Variants in RLBP1 observed in about 807,000 individuals in gnomAD.
RLBP1 encodes retinaldehyde-binding protein 1.
RLBP1 carries 26 observed loss-of-function variants against 36.2 expected under a neutral mutation model. That is an observed-to-expected ratio of 0.72 (90% CI 0.53 to 1.00). The LOEUF (loss-of-function observed/expected upper bound fraction) is 1.00, where lower values mean the gene tolerates loss of function less well. Ranked by LOEUF, RLBP1 falls within the 50% of genes least tolerant of loss-of-function variation. RLBP1 has a pLI of 0.00. For missense variants in RLBP1, 410 were observed against 402.4 expected (o/e 1.02, Z -0.16); for synonymous variants, 155 against 156.2 (o/e 0.99, Z 0.06).
rs1337271715 is a variant in RLBP1, at chr15:89,211,751, T to G, written c.676A>C (p.Met226Leu). 1 of 1,613,938 alleles carries G rather than the reference T, an allele frequency of 6.2e-7. No individual in the cohort carries two copies. Among genetic ancestry groups the G allele is most frequent in the South Asian group, 1.1e-5 (1 of 91,064 alleles). The change falls in exon 7 of 9, where the codon ATG becomes CTG. Residue 226 changes from methionine (M) to leucine (L), a missense_variant. Met to Leu is a conservative substitution (Grantham distance 15, BLOSUM62 2). Coordinates refer to ENST00000268125, the MANE Select transcript of RLBP1 (RefSeq NM_000326.5). This position sits in a 1 kb window ranked among gnomAD's most constrained non-coding sequence, Gnocchi z 5.8. ...RTSDLRKMVD[M>L]LQDSFPARFK... ...AGAACTCTAAGCCTCACCTGGAGCA[T>G]GTCCACCATCTTCCTGAGATCTGAA... is the stretch of plus-strand genomic sequence containing the variant.
At chr15:89,215,279 C>G (rs757061165) in intron 5 of RLBP1, 41 bp from the exon 6 acceptor site, 2 of 1,598,836 alleles carry the variant, frequency 1.3e-6, no homozygotes, top group Non-Finnish European at 1.7e-6. Context: ...AGGGAGCCAT[C>G]CCATCCCTAC....
intron 1 of RLBP1, among the ~76,000 whole-genome samples, chr15:89,221,158 C>T (rs1318322461): frequency 6.6e-6 from 1 of 152,072 alleles, no homozygotes; most frequent in African/African-American, 2.4e-5. Context: ...CAGGTGCCCA[C>T]CAGCACGCCT....
Position 89,215,147 on chromosome 15 carries a change from A to C in RLBP1, c.438T>G (p.Gly146=), listed in dbSNP as rs1596183196. 1.2e-6 allele frequency: 2 copies of C among 1,614,226 alleles called. No homozygotes were observed. The highest frequency in any genetic ancestry group is 1.7e-6 in the Non-Finnish European group (2 of 1,180,036). The change falls in exon 6 of 9, where the codon GGT becomes GGG. Residue 146 remains glycine (G), a synonymous_variant. Coordinates refer to ENST00000268125, the MANE Select transcript of RLBP1 (RefSeq NM_000326.5). ...CATACTTGTCCCGACTAGAGAGGAC[A>C]CCAGGGTAGCCAGCTTCAATGGTGC... The part of the protein sequence containing the change: ...VRCTIEAGYP[G]VLSSRDKYGR...
chr15:89,214,257 T>C lies in RLBP1; in HGVS notation c.525+803A>G, dbSNP rs2051560630. 2.0e-5 allele frequency among the ~76,000 whole-genome samples: 3 copies of C among 152,066 alleles called. No individual in the cohort carries two copies. The highest frequency in any genetic ancestry group is 2.0e-4 in the Admixed American group (3 of 15,250). ...GGGCGGATCACTTGAGCTCAGGAGTTTGAGACCAGCCTGGCCAACATGGTG... is the reference window on the plus strand; with the variant it reads ...GGGCGGATCACTTGAGCTCAGGAGTCTGAGACCAGCCTGGCCAACATGGTG... On this transcript the variant is annotated intron_variant, in intron 6 of 8. Transcript: ENST00000268125. The surrounding 1 kb of genome is among the most constrained non-coding windows in gnomAD (Gnocchi z 4.6).
chr15:89,212,849 C>T (rs1425276620), intron 6 of RLBP1, among the ~76,000 whole-genome samples: 1 of 151,888 alleles, frequency 6.6e-6, no homozygotes, highest in African/African-American at 2.4e-5. Context: ...CTGCCTCAGT[C>T]TCCCAAGTAG....
Position 89,211,676 on chromosome 15 carries a change from A to C in RLBP1, c.684+67T>G, listed in dbSNP as rs137890278. The C allele has an allele frequency of 6.3e-4, 972 of 1,549,652 alleles. 6 individuals carry two copies. In the African/African-American group the frequency reaches 0.012, roughly 19 times the overall value. On this transcript the variant is annotated intron_variant, in intron 7 of 8. Coordinates refer to ENST00000268125, the MANE Select transcript of RLBP1 (RefSeq NM_000326.5). This position sits in a 1 kb window ranked among gnomAD's most constrained non-coding sequence, Gnocchi z 5.8. ...CTCAGTTCCCTGCAAGCACCATGAA[A>C]GGAGGCCCAGCCTCTCAGCCTCCCC... is the stretch of plus-strand genomic sequence containing the variant.
chr15:89,215,186 TG>T lies in RLBP1; in HGVS notation c.398del (p.Pro133GlnfsTer126), dbSNP rs2051569588. 5.6e-6 allele frequency: 9 copies of T among 1,614,176 alleles called. No individual in the cohort carries two copies. Among genetic ancestry groups the T allele is most frequent in the Non-Finnish European group, 7.6e-6 (9 of 1,180,024 alleles). On this transcript the variant is annotated frameshift_variant, in exon 6 of 9. Transcript: ENST00000268125. LOFTEE classifies it high-confidence loss of function. ...CTTCAATGGTGCAGCGGACAGCCTC[TG>T]GGGACAGGCTGTCAAAGAGCTCAGG... ...QYPELFDSLS[P>X]EAVRCTIEAG...
At position 89,214,567 on chromosome 15, in the gene RLBP1, C is replaced by T. The variant is rs995611816; in HGVS notation, c.525+493G>A. ...CATGCCAAAGTTCTCCCAAGACAAACCCTAATTCCCCAACTTGGGGCAGCC... is the reference window on the plus strand; with the variant it reads ...CATGCCAAAGTTCTCCCAAGACAAATCCTAATTCCCCAACTTGGGGCAGCC... On this transcript the variant is annotated intron_variant, in intron 6 of 8. Coordinates refer to ENST00000268125, the MANE Select transcript of RLBP1 (RefSeq NM_000326.5). The surrounding 1 kb of genome is among the most constrained non-coding windows in gnomAD (Gnocchi z 4.6). 9.2e-5 allele frequency among the ~76,000 whole-genome samples: 14 copies of T among 152,112 alleles called. No individual in the cohort carries two copies. The highest frequency in any genetic ancestry group is 1.6e-4 in the Non-Finnish European group (11 of 68,014).
At chr15:89,219,701 C>T (rs2051611190) in intron 2 of RLBP1, 36 bp downstream of exon 2, 1 of 152,940 alleles carries the variant, frequency 6.5e-6, no homozygotes, top group African/African-American at 2.4e-5. Context: ...TCCAAGGTAA[C>T]ACAGCCAAAA....
In RLBP1 at chr15:89,218,102, A is replaced by G. The variant is rs2051597115; in HGVS notation, c.141+463T>C. Reference sequence around the variant, plus strand: ...GCTCTGTCAGCCTCCACAGAGCACAATCTGATCACCTCTGAGCTAGTCCAC... The same window carrying G: ...GCTCTGTCAGCCTCCACAGAGCACAGTCTGATCACCTCTGAGCTAGTCCAC... On this transcript the variant is annotated intron_variant, in intron 4 of 8. Coordinates refer to ENST00000268125, the MANE Select transcript of RLBP1 (RefSeq NM_000326.5). The surrounding 1 kb of genome is among the most constrained non-coding windows in gnomAD (Gnocchi z 4.6). Among the ~76,000 whole-genome samples the G allele has an allele frequency of 1.3e-5, 2 of 152,154 alleles. No homozygotes were observed. Among genetic ancestry groups the G allele is most frequent in the African/African-American group, 2.4e-5 (1 of 41,424 alleles).
intron 1 of RLBP1, among the ~76,000 whole-genome samples, chr15:89,221,142 G>A (rs2051622973): frequency 6.6e-6 from 1 of 151,816 alleles, no homozygotes; most frequent in African/African-American, 2.4e-5. Context: ...TGAGTAGCTG[G>A]AACTACAGGT....
intron 2 of RLBP1, 142 bp from the exon 3 acceptor site, chr15:89,219,217 C>T (rs2150972247): frequency 3.3e-6 from 2 of 603,942 alleles, no homozygotes; most frequent in Admixed American, 2.8e-5. Context: ...TCTGCAGGTG[C>T]AGGCTGTGGC....
chr15:89,211,843 A>G lies in RLBP1; in HGVS notation c.584T>C (p.Ile195Thr), dbSNP rs749921743. ...EKLLENEETQ[I>T]NGFCIIENFK... ...GTTCTCAATGATGCAGAAGCCATTG[A>G]TTTGAGTTTCCTCATTCTCCAGCAG... The change falls in exon 7 of 9, where the codon ATC (isoleucine) becomes ACC (threonine). Residue 195 changes from isoleucine to threonine, a missense_variant. By Grantham distance (89) the Ile-to-Thr change is moderately conservative. Coordinates refer to ENST00000268125, the MANE Select transcript of RLBP1 (RefSeq NM_000326.5). The surrounding 1 kb of genome is among the most constrained non-coding windows in gnomAD (Gnocchi z 5.8). 3.1e-6 allele frequency: 5 copies of G among 1,614,236 alleles called. No homozygotes were observed. Among genetic ancestry groups the G allele is most frequent in the Non-Finnish European group, 3.4e-6 (4 of 1,180,032 alleles).
In RLBP1 at chr15:89,216,060, A is replaced by G. The variant is rs150233333; in HGVS notation, c.347-822T>C. Among the ~76,000 whole-genome samples the G allele has an allele frequency of 5.9e-5, 9 of 152,220 alleles. No homozygotes were observed. The East Asian group carries it at 1.7e-3, about 29-fold the overall frequency. ...ATTCCTTACCATTATTTAACCCTAT[A>G]TAATTTTACTTTATTTATTGGATGT... On this transcript the variant is annotated intron_variant, in intron 5 of 8. Coordinates refer to ENST00000268125, the MANE Select transcript of RLBP1 (RefSeq NM_000326.5).
At position 89,218,710 on chromosome 15, in the gene RLBP1, A is replaced by C; in HGVS notation, c.13-17T>G. 1 of 1,613,742 alleles carries C rather than the reference A, an allele frequency of 6.2e-7. No homozygotes were observed. The highest frequency in any genetic ancestry group is 8.5e-7 in the Non-Finnish European group (1 of 1,180,036). ...CGTGCCCACCTGGGCAGAGAAAGGA[A>C]AAAGAGGAACAGCCAACCGCATCAG... is the stretch of plus-strand genomic sequence containing the variant. On this transcript the variant is annotated splice_polypyrimidine_tract_variant and intron_variant, in intron 3 of 8. Transcript: ENST00000268125. This position sits in a 1 kb window ranked among gnomAD's most constrained non-coding sequence, Gnocchi z 4.6.
chr15:89,210,978 A>G lies in RLBP1; in HGVS notation c.685-169T>C, dbSNP rs577938532. On this transcript the variant is annotated intron_variant, in intron 7 of 8. Coordinates refer to ENST00000268125, the MANE Select transcript of RLBP1 (RefSeq NM_000326.5). The surrounding 1 kb of genome is among the most constrained non-coding windows in gnomAD (Gnocchi z 4.7). Reference sequence around the variant, plus strand: ...CCTATTTCCAGGCCAGCAACTAGGGATCCCTGGCTCACTGTGGCCCAGACT... The same window carrying G: ...CCTATTTCCAGGCCAGCAACTAGGGGTCCCTGGCTCACTGTGGCCCAGACT... 1.3e-5 allele frequency among the ~76,000 whole-genome samples: 2 copies of G among 152,250 alleles called. No homozygotes were observed. Among genetic ancestry groups the G allele is most frequent in the African/African-American group, 4.8e-5 (2 of 41,548 alleles).
rs112344412 is a variant in RLBP1, at chr15:89,212,585, C to CA, written c.526-685dup. Among the ~76,000 whole-genome samples the CA allele has an allele frequency of 1.6e-3, 181 of 111,370 alleles. 1 individual carries two copies. The highest frequency in any genetic ancestry group is 2.2e-3 in the Non-Finnish European group (115 of 52,470). 73.1% of individuals were successfully genotyped at this position (111,370 alleles called of 152,430 possible). A position where few individuals can be genotyped will look rare whatever the true frequency, so the allele number is the denominator to read the frequency against. Reference sequence around the variant, plus strand: ...AGGCGACAAGAGCAAAACTGTGTCTCAAAAAAAAAAAAAAAAAGAAAAATG... The same window carrying CA: ...AGGCGACAAGAGCAAAACTGTGTCTCAAAAAAAAAAAAAAAAAAGAAAAATG... On this transcript the variant is annotated intron_variant, in intron 6 of 8. Transcript: ENST00000268125.
chr15:89,221,248 A>T (rs563724254), intron 1 of RLBP1, among the ~76,000 whole-genome samples: 4 of 152,176 alleles, frequency 2.6e-5, no homozygotes, highest in Non-Finnish European at 5.9e-5. Flanking sequence ...ACCTCAGGTG[A>T]TCTGCCTGCC....
Position 89,214,187 on chromosome 15 carries a change from G to A in RLBP1, c.525+873C>T, listed in dbSNP as rs377697705. Among the ~76,000 whole-genome samples the A allele has an allele frequency of 6.6e-6, 1 of 152,184 alleles. No individual in the cohort carries two copies. The highest frequency in any genetic ancestry group is 1.9e-4 in the East Asian group (1 of 5,200). On this transcript the variant is annotated intron_variant, in intron 6 of 8. Coordinates refer to ENST00000268125, the MANE Select transcript of RLBP1 (RefSeq NM_000326.5). This position sits in a 1 kb window ranked among gnomAD's most constrained non-coding sequence, Gnocchi z 4.6. ...TATCTAAAATTAGTTTGGGCCAGGT[G>A]CGGTGTCTTATGCCTGTAATCCCAG...
Sources: gnomAD v4.1 joint callset for allele counts (sites outside exome capture counted in the v4.1 genomes callset) on GRCh38, gnomAD v4.1.1 for gene constraint, Gnocchi (gnomAD v3.1) non-coding constraint, MANE v1.5 for transcripts, NCBI Gene and HGNC (gene_info 2026-07-23, HGNC 2026-07-21) for gene names.